Variants in KCNAB1 observed in about 807,000 individuals in gnomAD.
The protein encoded by KCNAB1 is voltage-gated potassium channel subunit beta-1.
Under a neutral mutation model 64.6 loss-of-function variants are expected in KCNAB1, and 35 were observed. The ratio of observed to expected loss-of-function variants is 0.54; its 90% CI spans 0.41 to 0.72. The LOEUF (loss-of-function observed/expected upper bound fraction) is 0.72, where lower values mean the gene tolerates loss of function less well. Ranked by LOEUF, KCNAB1 falls within the 30% of genes least tolerant of loss-of-function variation. The pLI is 0.00. For synonymous variants in KCNAB1, 177 were observed against 183.8 expected, an observed-to-expected ratio of 0.96 and a Z score of 0.30; for missense variants, 401 against 512.9, an observed-to-expected ratio of 0.78 and a Z score of 2.11.
intron 1 of KCNAB1, among the ~76,000 whole-genome samples, chr3:156,162,604 C>G (rs1167355366): frequency 6.6e-6 from 1 of 152,192 alleles, no homozygotes; most frequent in East Asian, 1.9e-4. Flanking sequence ...TAACATCTCT[C>G]ATAGACCTGT....
intron 2 of KCNAB1, among the ~76,000 whole-genome samples, chr3:156,436,805 ACT>A (rs1343698109): frequency 6.6e-6 from 1 of 151,982 alleles, no homozygotes; most frequent in Non-Finnish European, 1.5e-5. Context: ...TTGCTTGTAG[ACT>A]CTGGATATTA....
At chr3:156,333,339 CACAT>C (rs374578854) in intron 1 of KCNAB1, among the ~76,000 whole-genome samples, 12,731 of 141,662 alleles carry the variant, frequency 0.09, 571 homozygotes, top group Middle Eastern at 0.13. Flanking sequence ...CACACACACA[CACAT>C]ACACACACAC....
intron 8 of KCNAB1, among the ~76,000 whole-genome samples, chr3:156,507,834 A>T (rs1716927451): frequency 1.3e-5 from 2 of 152,212 alleles, no homozygotes; most frequent in African/African-American, 4.8e-5. Flanking sequence ...TTAAAAAAAA[A>T]AATCTGATAT....
At chr3:156,263,736 T>A (rs1374659580) in intron 1 of KCNAB1, among the ~76,000 whole-genome samples, 2 of 152,116 alleles carry the variant, frequency 1.3e-5, no homozygotes. Flanking sequence ...CCATATACTT[T>A]AAATCATCTT....
rs1454385276 is a variant in KCNAB1 at position 156,508,896 on chromosome 3, G to A, written c.659-5468G>A. On this transcript the variant is annotated intron_variant, in intron 8 of 13. Coordinates refer to ENST00000490337, the MANE Select transcript of KCNAB1 (RefSeq NM_172160.3). The surrounding 1 kb of genome is among the most constrained non-coding windows in gnomAD (Gnocchi z 4.1). Reference sequence around the variant, plus strand: ...AATGATTATTTCAACCTGGAAAGGAGCGCAGAGGGAGGACTTAACAAAGTC... The same window carrying A: ...AATGATTATTTCAACCTGGAAAGGAACGCAGAGGGAGGACTTAACAAAGTC... Among the ~76,000 whole-genome samples, 1 of 152,210 alleles carries A rather than the reference G, an allele frequency of 6.6e-6. No individual in the cohort carries two copies. Among genetic ancestry groups the A allele is most frequent in the Non-Finnish European group, 1.5e-5 (1 of 68,036 alleles).
At chr3:156,480,034 C>A (rs1332672900) in intron 8 of KCNAB1, among the ~76,000 whole-genome samples, 1 of 152,000 alleles carries the variant, frequency 6.6e-6, no homozygotes, top group Non-Finnish European at 1.5e-5. Flanking sequence ...TTGCAGTATC[C>A]CAAATTTTCT....
intron 7 of KCNAB1, among the ~76,000 whole-genome samples, chr3:156,471,746 C>T (rs938323494): frequency 1.3e-5 from 2 of 152,266 alleles, no homozygotes; most frequent in African/African-American, 4.8e-5. Context: ...TGAAACTAAA[C>T]GTAAATGGCT....
chr3:156,434,335 C>T lies in KCNAB1; in HGVS notation c.319+12676C>T, dbSNP rs988382581. On this transcript the variant is annotated intron_variant, in intron 2 of 13. Transcript: ENST00000490337. ...AACGACTTGAGTATTCTCACTTTTA[C>T]GGAAGATTAAATGTAGCAATACATC... 5.3e-5 allele frequency among the ~76,000 whole-genome samples: 8 copies of T among 152,198 alleles called. No individual in the cohort carries two copies. The South Asian group carries it at 6.2e-4, about 12-fold the overall frequency.
At chr3:156,420,599 A>G (rs1715403768) in intron 1 of KCNAB1, among the ~76,000 whole-genome samples, 1 of 152,232 alleles carries the variant, frequency 6.6e-6, no homozygotes, top group Non-Finnish European at 1.5e-5. Context: ...GTGTGGGAGC[A>G]AGAAGGGAAA....
intron 13 of KCNAB1, among the ~76,000 whole-genome samples, chr3:156,535,177 G>A (rs1183864448): frequency 6.6e-6 from 1 of 152,172 alleles, no homozygotes; most frequent in African/African-American, 2.4e-5. Flanking sequence ...CCAGAATGAA[G>A]TTTCCCAGGC....
At position 156,183,330 on chromosome 3, in the gene KCNAB1, A is replaced by G. The variant is rs73876129; in HGVS notation, c.275+62444A>G. 4.4e-3 allele frequency among the ~76,000 whole-genome samples: 665 copies of G among 152,274 alleles called. 6 individuals carry two copies. The highest frequency in any genetic ancestry group is 0.015 in the African/African-American group (624 of 41,550). On this transcript the variant is annotated intron_variant, in intron 1 of 13. Transcript: ENST00000490337. Reference sequence around the variant, plus strand: ...TCAAGGAACAGGGTTCCGAAGAATAAAAATGGAAACAAAGTCATTGAGGCC... The same window carrying G: ...TCAAGGAACAGGGTTCCGAAGAATAGAAATGGAAACAAAGTCATTGAGGCC...
At chr3:156,233,957 C>A (rs1353154931) in intron 1 of KCNAB1, among the ~76,000 whole-genome samples, 1 of 151,602 alleles carries the variant, frequency 6.6e-6, no homozygotes. Flanking sequence ...CCATTATACA[C>A]CCAAGCAGAG....
At chr3:156,192,237 C>T (rs1713605886) in intron 1 of KCNAB1, among the ~76,000 whole-genome samples, 1 of 152,034 alleles carries the variant, frequency 6.6e-6, no homozygotes, top group Admixed American at 6.6e-5. Context: ...TTGTATGGAT[C>T]TATTGCAATT....
rs529477763 is a variant in KCNAB1 at position 156,138,640 on chromosome 3, A to G, written c.275+17754A>G. ...AACTAGTGAATAATTCATGGACTCC[A>G]AGTCTCGCCAGTAACAAAGGAGGAA... On this transcript the variant is annotated intron_variant, in intron 1 of 13. Transcript: ENST00000490337. Among the ~76,000 whole-genome samples the G allele has an allele frequency of 2.6e-3, 403 of 152,334 alleles. 1 individual carries two copies. The highest frequency in any genetic ancestry group is 9.1e-3 in the African/African-American group (379 of 41,572).
chr3:156,176,102 C>T (rs760473116), intron 1 of KCNAB1: 55 of 767,432 alleles, frequency 7.2e-5, no homozygotes, highest in Middle Eastern at 2.3e-4. Flanking sequence ...ACTATGTTTA[C>T]ACACCTCTCT....
intron 8 of KCNAB1, among the ~76,000 whole-genome samples, chr3:156,481,027 G>A (rs1412356591): frequency 6.6e-6 from 1 of 152,012 alleles, no homozygotes; most frequent in Non-Finnish European, 1.5e-5. Flanking sequence ...AAACATTCTA[G>A]TACCTGGTTC....
In KCNAB1 at chr3:156,120,802, G is replaced by A. The variant is rs149673348; in HGVS notation, c.191G>A (p.Arg64His). ...QLRARQLALL[R>H]EVEMNWYLKL... ...AGGGCGCGTCAACTGGCTCTGCTGC[G>A]CGAAGTGGAGATGAACTGGTACCTA... The change falls in exon 1 of 14, where the codon CGC (arginine) becomes CAC (histidine). Residue 64 changes from arginine to histidine, a missense_variant. Arg to His is a conservative substitution (Grantham distance 29). Transcript: ENST00000490337. 1,069 of 1,614,248 alleles carry A rather than the reference G, an allele frequency of 6.6e-4. 7 individuals carry two copies. The highest frequency in any genetic ancestry group is 5.2e-4 in the Non-Finnish European group (619 of 1,180,050).
chr3:156,456,870 G>C (rs1289805036), intron 3 of KCNAB1: 1 of 153,844 alleles, frequency 6.5e-6, no homozygotes, highest in Non-Finnish European at 1.4e-5. Flanking sequence ...GTTTGCAGGC[G>C]GAACAGTGAG....
At chr3:156,288,642 T>C (rs1395529113) in intron 1 of KCNAB1, among the ~76,000 whole-genome samples, 3 of 152,178 alleles carry the variant, frequency 2.0e-5, no homozygotes, top group Non-Finnish European at 2.9e-5. Context: ...GCAGTCAGAA[T>C]GCCCATGTGG....
Sources: allele counts gnomAD v4.1 joint callset (sites outside exome capture counted in the v4.1 genomes callset), GRCh38; gene constraint gnomAD v4.1.1; non-coding constraint Gnocchi (gnomAD v3.1); transcripts MANE v1.5; gene names NCBI Gene and HGNC (gene_info 2026-07-23, HGNC 2026-07-21).